The following IGHMBP2 variants were observed in gnomAD, a reference collection of about 807,000 sequenced individuals.
IGHMBP2 encodes immunoglobulin mu DNA binding protein 2, also known as DNA-binding protein SMUBP-2.
Under a neutral mutation model 96.0 loss-of-function variants are expected in IGHMBP2, and 81 were observed. That is an observed-to-expected ratio of 0.84 (90% CI 0.71 to 1.01). The LOEUF is 1.01. Ranked by LOEUF, IGHMBP2 falls within the 50% of genes least tolerant of loss-of-function variation. IGHMBP2 has a pLI of 0.00. For missense variants in IGHMBP2, 1,227 were observed against 1,306.3 expected, an observed-to-expected ratio of 0.94 and a Z score of 0.94; for synonymous variants, 557 against 548.9, an observed-to-expected ratio of 1.01 and a Z score of -0.21.
chr11:68,929,420 C>A, intron 8 of IGHMBP2, 63 bp downstream of exon 8: 1 of 1,496,388 alleles, frequency 6.7e-7, no homozygotes, highest in Non-Finnish European at 9.2e-7. Context: ...CTTCCACGCT[C>A]AGCCAGGAGC....
rs1251109896 is a variant in IGHMBP2 at position 68,917,857 on chromosome 11, C to G, written c.1034C>G (p.Ala345Gly). 3.1e-6 allele frequency: 5 copies of G among 1,614,146 alleles called. No homozygotes were observed. In the Admixed American group the frequency reaches 8.3e-5, roughly 27 times the overall value. The change falls in exon 7 of 15, where the codon GCA becomes GGA. Residue 345 changes from alanine to glycine, a missense_variant. By Grantham distance (60) the Ala-to-Gly change is moderately conservative (BLOSUM62 0). Around this residue, in one of 3 missense-constraint regions of IGHMBP2, gnomAD observed 507 missense variants for 496.9 expected, o/e 1.02. Coordinates refer to ENST00000255078, the MANE Select transcript of IGHMBP2 (RefSeq NM_002180.3). ...EAAMLESLTS[A>G]NVVLATNTGA... ...GCTATGCTCGAGAGCCTCACTTCGGCAAACGTGGTCCTTGCAACAAACACA... is the reference window on the plus strand; with the variant it reads ...GCTATGCTCGAGAGCCTCACTTCGGGAAACGTGGTCCTTGCAACAAACACA...
rs764598361 is a variant in IGHMBP2 at position 68,933,424 on chromosome 11, A to G, written c.1361A>G (p.Asp454Gly). Residue 454 changes from aspartate (D) to glycine (G), a missense_variant, in exon 9 of 15, where the codon GAC (aspartate) becomes GGC (glycine). Transcript: ENST00000255078. Reference sequence around the variant, plus strand: ...CAGGCTATCATGCGCTGGGCCTCAGACACCATGTACCTTGGGCAGCTCACA... The same window carrying G: ...CAGGCTATCATGCGCTGGGCCTCAGGCACCATGTACCTTGGGCAGCTCACA... Reference protein sequence around the residue: ...MHQAIMRWASDTMYLGQLTAH... With the variant: ...MHQAIMRWASGTMYLGQLTAH... 1 of 1,613,282 alleles carries G rather than the reference A, an allele frequency of 6.2e-7. No individual in the cohort carries two copies. Among genetic ancestry groups the G allele is most frequent in the South Asian group, 1.1e-5 (1 of 90,936 alleles).
At chr11:68,908,426 A>G (rs1858289571) in intron 3 of IGHMBP2, 89 bp downstream of exon 3, 5 of 1,480,566 alleles carry the variant, frequency 3.4e-6, no homozygotes, top group Non-Finnish European at 4.7e-6. Context: ...AAAGAGAGCA[A>G]CAAGTCATGG....
In IGHMBP2 at chr11:68,936,220, C is replaced by T; in HGVS notation, c.1757-17C>T. On this transcript the variant is annotated splice_polypyrimidine_tract_variant and intron_variant, in intron 12 of 14. Coordinates refer to ENST00000255078, the MANE Select transcript of IGHMBP2 (RefSeq NM_002180.3). ...TAGTCTGAAACCTGCTTCTCACTCC[C>T]CTCTGGCCTTTTGTAGGTGAAGTTG... is the stretch of plus-strand genomic sequence containing the variant. 1 of 1,613,540 alleles carries T rather than the reference C, an allele frequency of 6.2e-7. No individual in the cohort carries two copies. The highest frequency in any genetic ancestry group is 1.7e-5 in the Admixed American group (1 of 60,030).
chr11:68,916,486 C>T (rs1193094008), intron 6 of IGHMBP2, among the ~76,000 whole-genome samples: 1 of 152,092 alleles, frequency 6.6e-6, no homozygotes, highest in Non-Finnish European at 1.5e-5. Flanking sequence ...CCTGTGTGCT[C>T]ACTGTCGGTA....
chr11:68,909,568 G>C (rs1858350626), intron 4 of IGHMBP2, among the ~76,000 whole-genome samples: 1 of 151,600 alleles, frequency 6.6e-6, no homozygotes, highest in Admixed American at 6.6e-5. Context: ...TTAGTACTTT[G>C]TGAAAATAGA....
chr11:68,908,528 T>C lies in IGHMBP2; in HGVS notation c.450-6T>C, dbSNP rs965319607. The C allele has an allele frequency of 1.9e-6, 3 of 1,611,264 alleles. No individual in the cohort carries two copies. The African/African-American group carries it at 4.0e-5, about 22-fold the overall frequency. ...GTGTTCTAATTTTAGTTTTCTCCCT[T>C]GGCAGAGCCCTGATTGCTCTAAAGA... is the stretch of plus-strand genomic sequence containing the variant. On this transcript the variant is annotated splice_region_variant and splice_polypyrimidine_tract_variant and intron_variant, in intron 3 of 14. Coordinates refer to ENST00000255078, the MANE Select transcript of IGHMBP2 (RefSeq NM_002180.3).
chr11:68,923,788 T>C (rs1025857923), intron 7 of IGHMBP2, among the ~76,000 whole-genome samples: 1 of 152,034 alleles, frequency 6.6e-6, no homozygotes, highest in Non-Finnish European at 1.5e-5. Flanking sequence ...AGGCCTGGAG[T>C]AGTTTTCTCC....
chr11:68,936,176 G>A (rs966040599), intron 12 of IGHMBP2, 61 bp from the exon 13 acceptor site: 45 of 1,592,018 alleles, frequency 2.8e-5, no homozygotes, highest in Non-Finnish European at 3.9e-5. Flanking sequence ...TAAGGGCGTA[G>A]GAGCCTGACT....
rs766294656 is a variant in IGHMBP2 at position 68,933,860 on chromosome 11, G to C, written c.1484G>C (p.Gly495Ala). The C allele has an allele frequency of 1.1e-5, 17 of 1,606,902 alleles. No individual in the cohort carries two copies. In the South Asian group the frequency reaches 1.6e-4, roughly 15 times the overall value. ...GVPLLLVDTA[G>A]CGLFELEEED... is the part of the protein sequence containing the mutation. Reference sequence around the variant, plus strand: ...CCCCTGCTCTTGGTGGACACCGCCGGCTGCGGGCTGTTTGAGCTGGAGGAG... The same window carrying C: ...CCCCTGCTCTTGGTGGACACCGCCGCCTGCGGGCTGTTTGAGCTGGAGGAG... The change falls in exon 10 of 15, where the codon GGC becomes GCC. Residue 495 changes from glycine (G) to alanine (A), a missense_variant. Gly to Ala is a moderately conservative substitution (Grantham distance 60). This residue lies in a region of IGHMBP2 where 703 missense variants were observed against 770.3 expected (regional missense o/e 0.91). Transcript: ENST00000255078.
Position 68,936,883 on chromosome 11 carries a change from C to T in IGHMBP2, c.2403C>T (p.Gly801=). ...AALGPPAGTG[G]PAPLQPVPPT... is the part of the protein sequence containing the mutation. ...TGGGACCCCCAGCAGGGACCGGTGG[C>T]CCAGCCCCTCTCCAGCCAGTGCCCC... is the stretch of plus-strand genomic sequence containing the variant. The change falls in exon 13 of 15, where the codon GGC becomes GGT. Residue 801 remains glycine (G), a synonymous_variant. Coordinates refer to ENST00000255078, the MANE Select transcript of IGHMBP2 (RefSeq NM_002180.3). 1 of 1,610,240 alleles carries T rather than the reference C, an allele frequency of 6.2e-7. No individual in the cohort carries two copies. Among genetic ancestry groups the T allele is most frequent in the East Asian group, 2.2e-5 (1 of 44,790 alleles).
intron 1 of IGHMBP2, among the ~76,000 whole-genome samples, chr11:68,904,330 G>T (rs886344061): frequency 3.3e-5 from 5 of 152,048 alleles, no homozygotes; most frequent in African/African-American, 1.2e-4. Context: ...AGTTCCACCC[G>T]CAGCGAGTTA....
In IGHMBP2 at chr11:68,908,335, A is replaced by G. The variant is rs577941690; in HGVS notation, c.447A>G (p.Lys149=). The change falls in exon 3 of 15, where the codon AAA becomes AAG. Residue 149 remains lysine (K), a splice_region_variant and synonymous_variant. Transcript: ENST00000255078. Reference sequence around the variant, plus strand: ...ATGATGTCACTTACAGGCGACTGAAAAAGTAAGTGGATGGGACTGGAAATC... The same window carrying G: ...ATGATGTCACTTACAGGCGACTGAAGAAGTAAGTGGATGGGACTGGAAATC... The part of the protein sequence containing the change: ...LANDVTYRRL[K]KALIALKKYH... The G allele has an allele frequency of 1.2e-6, 2 of 1,613,612 alleles. No homozygotes were observed. The highest frequency in any genetic ancestry group is 2.2e-5 in the East Asian group (1 of 44,878).
At chr11:68,904,803 C>CTTTTTTTTTTTT (rs1555241972) in intron 1 of IGHMBP2, among the ~76,000 whole-genome samples, 1 of 120,996 alleles carries the variant, frequency 8.3e-6, no homozygotes, top group African/African-American at 3.0e-5. Context: ...TTTTCTTTTT[C>CTTTTTTTTTTTT]TTTTTTTTTT....
chr11:68,916,406 A>G (rs1245111367), intron 6 of IGHMBP2, among the ~76,000 whole-genome samples: 1 of 151,950 alleles, frequency 6.6e-6, no homozygotes, highest in Non-Finnish European at 1.5e-5. Context: ...CCAGCCCGAC[A>G]CTCCGACACT....
At chr11:68,919,949 T>C (rs1293517855) in intron 7 of IGHMBP2, among the ~76,000 whole-genome samples, 2 of 152,210 alleles carry the variant, frequency 1.3e-5, no homozygotes, top group African/African-American at 2.4e-5. Flanking sequence ...GTAACCCTTT[T>C]TAAGTCTGTA....
chr11:68,908,327 C>A lies in IGHMBP2; in HGVS notation c.439C>A (p.Arg147=). ...LKLANDVTYR[R]LKKALIALKK... ...ACTTGCCAATGATGTCACTTACAGG[C>A]GACTGAAAAAGTAAGTGGATGGGAC... The change falls in exon 3 of 15, where the codon CGA becomes AGA. Residue 147 remains arginine, a synonymous_variant. Transcript: ENST00000255078. 6.2e-7 allele frequency: 1 copy of A among 1,613,654 alleles called. No homozygotes were observed.
At position 68,914,812 on chromosome 11, in the gene IGHMBP2, G is replaced by A; in HGVS notation, c.712-11G>A. The A allele has an allele frequency of 6.2e-7, 1 of 1,614,090 alleles. No homozygotes were observed. The highest frequency in any genetic ancestry group is 8.5e-7 in the Non-Finnish European group (1 of 1,179,914). On this transcript the variant is annotated splice_polypyrimidine_tract_variant and intron_variant, in intron 5 of 14. Transcript: ENST00000255078. ...AAAGTAAATGACCAGATCCTAACTT[G>A]CGGTTCCCAGGTTCTGTGCTGCGCC...
At chr11:68,920,571 C>T (rs1858840431) in intron 7 of IGHMBP2, among the ~76,000 whole-genome samples, 1 of 152,234 alleles carries the variant, frequency 6.6e-6, no homozygotes, top group South Asian at 2.1e-4. Flanking sequence ...CAGCCTCAAC[C>T]TCCTGGGCTG....
Sources: allele counts gnomAD v4.1 joint callset (sites outside exome capture counted in the v4.1 genomes callset), GRCh38; gene constraint gnomAD v4.1.1; regional missense constraint gnomAD v4.1.1; transcripts MANE v1.5; gene names NCBI Gene and HGNC (gene_info 2026-07-23, HGNC 2026-07-21).